Variants in KMT2B observed in about 807,000 individuals in gnomAD.
KMT2B encodes the protein lysine methyltransferase 2B, also known as histone-lysine N-methyltransferase 2B.
A neutral mutation model predicts 255.3 loss-of-function variants in KMT2B; 22 were observed. That is an observed-to-expected ratio of 0.09 (90% CI 0.06 to 0.12). The LOEUF is 0.12. Among genes scored for constraint, KMT2B ranks in the 10% least tolerant of loss-of-function variants. The probability of loss-of-function intolerance (pLI) is 1.00; values close to 1 mark genes in which losing one functional copy is unlikely to be tolerated. For missense variants in KMT2B, 3,149 were observed against 3,737.0 expected, an observed-to-expected ratio of 0.84 and a Z score of 4.10; for synonymous variants, 1,730 against 1,498.1, an observed-to-expected ratio of 1.15 and a Z score of -3.57.
In KMT2B at chr19:35,732,412, T is replaced by A; in HGVS notation, c.5863T>A (p.Ser1955Thr). ...TSVVTALTPT[S>T]GELAPPGPAP... ...AGTCGTCACAGCCCTCACACCTACCTCAGGGGAGCTGGCTCCCCCTGGCCC... is the reference window on the plus strand; with the variant it reads ...AGTCGTCACAGCCCTCACACCTACCACAGGGGAGCTGGCTCCCCCTGGCCC... Residue 1955 changes from serine to threonine, a missense_variant, in exon 28 of 37, where the codon TCA (serine) becomes ACA (threonine). Around this residue, in one of 18 missense-constraint regions of KMT2B, gnomAD observed 897 missense variants for 825.3 expected, o/e 1.09. Coordinates refer to ENST00000420124, the MANE Select transcript of KMT2B (RefSeq NM_014727.3). The A allele has an allele frequency of 1.9e-6, 3 of 1,613,314 alleles. No individual in the cohort carries two copies. The South Asian group carries it at 3.3e-5, about 18-fold the overall frequency.
Position 35,719,985 on chromosome 19 carries a change from C to T in KMT2B, c.638C>T (p.Pro213Leu), listed in dbSNP as rs1352603836. Residue 213 changes from proline (P) to leucine (L), a missense_variant, in exon 3 of 37, where the codon CCC (proline) becomes CTC (leucine). Pro to Leu is a moderately conservative substitution (Grantham distance 98). Coordinates refer to ENST00000420124, the MANE Select transcript of KMT2B (RefSeq NM_014727.3). ...PQAPRSRACE[P>L]STPRRSRGRP... is the part of the protein sequence containing the mutation. The stretch of plus-strand genomic sequence containing the variant: ...GCACCCCGGAGCCGGGCATGTGAGC[C>T]CTCCACCCCCCGGCGGTCTCGGGGA... The T allele has an allele frequency of 6.2e-7, 1 of 1,613,140 alleles. No individual in the cohort carries two copies. Among genetic ancestry groups the T allele is most frequent in the Non-Finnish European group, 8.5e-7 (1 of 1,179,778 alleles).
Position 35,733,898 on chromosome 19 carries a change from TC to T in KMT2B, c.7159+28del, listed in dbSNP as rs745961942. 6.5e-7 allele frequency: 1 copy of T among 1,530,336 alleles called. No homozygotes were observed. The highest frequency in any genetic ancestry group is 9.0e-7 in the Non-Finnish European group (1 of 1,109,646). The allele number at this position is 1,530,336 out of a possible 1,614,324, so 94.8% of individuals were successfully genotyped here. On this transcript the variant is annotated intron_variant, in intron 30 of 36. Transcript: ENST00000420124. The surrounding 1 kb of genome is among the most constrained non-coding windows in gnomAD (Gnocchi z 4.3). ...GTAGGGACCGGCCTTGCCCTCTCCC[TC>T]CTTGCCTGTGCCTGGCTCAGCTGGG...
intron 30 of KMT2B, 77 bp from the exon 31 acceptor site, chr19:35,736,613 C>T (rs937204552): frequency 2.6e-6 from 4 of 1,555,116 alleles, no homozygotes; most frequent in Non-Finnish European, 3.5e-6. Context: ...GTGGTGTCTG[C>T]TGGGAGCACA....
chr19:35,729,323 A>G, intron 22 of KMT2B, 27 bp downstream of exon 22: 1 of 1,572,844 alleles, frequency 6.4e-7, no homozygotes, highest in Non-Finnish European at 8.6e-7. Context: ...AGAGAGGTGG[A>G]CAGCTCTCTG....
Position 35,733,259 on chromosome 19 carries a change from GCC to G in KMT2B, c.6714_6715del (p.Leu2239ProfsTer63). 6.8e-7 allele frequency: 1 copy of G among 1,476,472 alleles called. No homozygotes were observed. The highest frequency in any genetic ancestry group is 9.2e-7 in the Non-Finnish European group (1 of 1,087,730). 91.5% of individuals were successfully genotyped at this position (1,476,472 alleles called of 1,614,324 possible). The stretch of plus-strand genomic sequence containing the variant: ...CCCACCTCCTGGACTCTGCCCCCAG[GCC>G]CCCTCCTCGGCGTGCTGCCCGTGGT... On this transcript the variant is annotated frameshift_variant, in exon 28 of 37. Coordinates refer to ENST00000420124, the MANE Select transcript of KMT2B (RefSeq NM_014727.3). LOFTEE classifies it high-confidence loss of function. This position sits in a 1 kb window ranked among gnomAD's most constrained non-coding sequence, Gnocchi z 4.3.
Position 35,723,089 on chromosome 19 carries a change from A to G in KMT2B, c.2817A>G (p.Thr939=), listed in dbSNP as rs2146444455. Residue 939 remains threonine (T), a synonymous_variant, in exon 6 of 37, where the codon ACA becomes ACG. Coordinates refer to ENST00000420124, the MANE Select transcript of KMT2B (RefSeq NM_014727.3). This position sits in a 1 kb window ranked among gnomAD's most constrained non-coding sequence, Gnocchi z 7.5. The part of the protein sequence containing the change: ...AAGPGGESEP[T]GSGGTLAHTP... ...GCCCTGGGGGAGAATCAGAGCCCAC[A>G]GGTTCTGGAGGGACCCTGGCCCACA... The G allele has an allele frequency of 6.2e-7, 1 of 1,613,198 alleles. No individual in the cohort carries two copies. The highest frequency in any genetic ancestry group is 8.5e-7 in the Non-Finnish European group (1 of 1,179,804).
Position 35,732,454 on chromosome 19 carries a change from C to T in KMT2B, c.5905C>T (p.Pro1969Ser), listed in dbSNP as rs767943155. The T allele has an allele frequency of 4.3e-6, 7 of 1,613,774 alleles. No individual in the cohort carries two copies. In the Admixed American group the frequency reaches 1.2e-4, roughly 27 times the overall value. Residue 1969 changes from proline to serine, a missense_variant, in exon 28 of 37, where the codon CCC becomes TCC. Pro to Ser is a moderately conservative substitution (Grantham distance 74, BLOSUM62 -1). Transcript: ENST00000420124. ...APPGPAPSPP[P>S]PEDLGPDFED... ...CCCTGGCCCGGCCCCATCTCCACCA[C>T]CCCCTGAAGACCTGGGCCCAGACTT... is the stretch of plus-strand genomic sequence containing the variant.
At position 35,730,348 on chromosome 19, in the gene KMT2B, G is replaced by T; in HGVS notation, c.5083G>T (p.Val1695Leu). Reference sequence around the variant, plus strand: ...TTGCCACCCCCTCTTCCAGGAAATTGTGAACCCCGATGGTTTTGATGTTCT... The same window carrying T: ...TTGCCACCCCCTCTTCCAGGAAATTTTGAACCCCGATGGTTTTGATGTTCT... The part of the protein sequence containing the change: ...HTDLLDGKEI[V>L]NPDGFDVLRR... The change falls in exon 24 of 37, where the codon GTG becomes TTG. Residue 1695 changes from valine to leucine, a missense_variant. Val to Leu is a conservative substitution (Grantham distance 32). Around this residue, in one of 18 missense-constraint regions of KMT2B, gnomAD observed 58 missense variants for 96.9 expected, o/e 0.60. Coordinates refer to ENST00000420124, the MANE Select transcript of KMT2B (RefSeq NM_014727.3). The T allele has an allele frequency of 6.2e-7, 1 of 1,610,990 alleles. No individual in the cohort carries two copies. Among genetic ancestry groups the T allele is most frequent in the Non-Finnish European group, 8.5e-7 (1 of 1,177,324 alleles).
At chr19:35,731,819 TG>T in intron 26 of KMT2B, 88 bp from the exon 27 acceptor site, 1 of 1,011,722 alleles carries the variant, frequency 9.9e-7, no homozygotes, top group Non-Finnish European at 1.5e-6. Flanking sequence ...GTCGGGGACC[TG>T]GGAGGCATAG....
Position 35,738,543 on chromosome 19 carries a change from C to A in KMT2B, c.8134C>A (p.Arg2712=). ...CAACTGTGGCGCCAAGCGCTGCCGT[C>A]GGTTCCTTAACTGAGGCCGTGGCTG... ...PCNCGAKRCR[R]FLN The change falls in exon 37 of 37, where the codon CGG becomes AGG. Residue 2712 remains arginine (R), a synonymous_variant. Coordinates refer to ENST00000420124, the MANE Select transcript of KMT2B (RefSeq NM_014727.3). The surrounding 1 kb of genome is among the most constrained non-coding windows in gnomAD (Gnocchi z 8.7). 6.2e-7 allele frequency: 1 copy of A among 1,613,400 alleles called. No homozygotes were observed. The highest frequency in any genetic ancestry group is 8.5e-7 in the Non-Finnish European group (1 of 1,179,512).
Position 35,719,975 on chromosome 19 carries a change from G to C in KMT2B, c.628G>C (p.Ala210Pro). The change falls in exon 3 of 37, where the codon GCA (alanine) becomes CCA (proline). Residue 210 changes from alanine (A) to proline (P), a missense_variant. Physicochemically the swap from Ala to Pro is conservative, Grantham distance 27. This residue lies in a region of KMT2B where 1,188 missense variants were observed against 1,106.4 expected (regional missense o/e 1.07). Coordinates refer to ENST00000420124, the MANE Select transcript of KMT2B (RefSeq NM_014727.3). ...AQAPQAPRSR[A>P]CEPSTPRRSR... ...GGCACCCCAAGCACCCCGGAGCCGG[G>C]CATGTGAGCCCTCCACCCCCCGGCG... The C allele has an allele frequency of 6.2e-7, 1 of 1,613,248 alleles. No individual in the cohort carries two copies. Among genetic ancestry groups the C allele is most frequent in the Non-Finnish European group, 8.5e-7 (1 of 1,179,794 alleles).
At position 35,727,964 on chromosome 19, in the gene KMT2B, G is replaced by A; in HGVS notation, c.4476G>A (p.Gln1492=). Residue 1492 remains glutamine, a synonymous_variant, in exon 18 of 37, where the codon CAG becomes CAA. Transcript: ENST00000420124. This position sits in a 1 kb window ranked among gnomAD's most constrained non-coding sequence, Gnocchi z 4.2. The part of the protein sequence containing the change: ...GETPDRRAGG[Q]MKGLLLKLLE... ...CCCCGGACCGCCGGGCTGGAGGCCA[G>A]ATGAAGGGGCTCCTGCTGAAGGTGA... is the stretch of plus-strand genomic sequence containing the variant. 1 of 1,576,478 alleles carries A rather than the reference G, an allele frequency of 6.3e-7. No homozygotes were observed. Among genetic ancestry groups the A allele is most frequent in the Non-Finnish European group, 8.6e-7 (1 of 1,159,290 alleles).
rs1263454780 is a variant in KMT2B, at chr19:35,727,128, T to A, written c.4004-28T>A. 2.0e-6 allele frequency: 3 copies of A among 1,538,148 alleles called. No individual in the cohort carries two copies. The highest frequency in any genetic ancestry group is 1.2e-5 in the South Asian group (1 of 86,032). ...AGGGCTGAGTGGGAACTCCAGCACCTCTGACTCCTTCTCTTCCCTTTCTCT... is the reference window on the plus strand; with the variant it reads ...AGGGCTGAGTGGGAACTCCAGCACCACTGACTCCTTCTCTTCCCTTTCTCT... On this transcript the variant is annotated intron_variant, in intron 14 of 36. Transcript: ENST00000420124. The surrounding 1 kb of genome is among the most constrained non-coding windows in gnomAD (Gnocchi z 4.2).
Position 35,725,609 on chromosome 19 carries a change from A to T in KMT2B, c.3773A>T (p.Lys1258Ile). ...RCKFCHVCGRKGRGSKHLLEC... is the reference protein window; with the variant it reads ...RCKFCHVCGRIGRGSKHLLEC... The stretch of plus-strand genomic sequence containing the variant: ...AAATTCTGCCACGTCTGTGGACGCA[A>T]AGGTCGTGGATCCAAGGTTTGGGCC... Residue 1258 changes from lysine to isoleucine, a missense_variant, in exon 12 of 37, where the codon AAA becomes ATA. This residue lies in a region of KMT2B where 377 missense variants were observed against 471.0 expected (regional missense o/e 0.80). Transcript: ENST00000420124. This position sits in a 1 kb window ranked among gnomAD's most constrained non-coding sequence, Gnocchi z 4.1. 1 of 1,610,842 alleles carries T rather than the reference A, an allele frequency of 6.2e-7. No homozygotes were observed. Among genetic ancestry groups the T allele is most frequent in the Non-Finnish European group, 8.5e-7 (1 of 1,179,872 alleles).
At chr19:35,719,083 T>G (rs761850687) in intron 1 of KMT2B, among the ~76,000 whole-genome samples, 8 of 152,188 alleles carry the variant, frequency 5.3e-5, no homozygotes, top group Non-Finnish European at 1.2e-4. Context: ...TGTTCCCAAC[T>G]TAATGCAGAA....
chr19:35,736,664 C>T (rs763297042), intron 30 of KMT2B, 26 bp from the exon 31 acceptor site: 1 of 1,610,674 alleles, frequency 6.2e-7, no homozygotes, highest in South Asian at 1.1e-5. Flanking sequence ...GGGTGATCTT[C>T]ACTCCAACCT....
chr19:35,721,367 C>G lies in KMT2B; in HGVS notation c.2020C>G (p.Pro674Ala), dbSNP rs767783057. 1.9e-6 allele frequency: 3 copies of G among 1,596,266 alleles called. No individual in the cohort carries two copies. The East Asian group carries it at 6.8e-5, about 36-fold the overall frequency. ...SVLTPPPLGAPEAPEPEPPPA... is the reference protein window; with the variant it reads ...SVLTPPPLGAAEAPEPEPPPA... ...GCTTACTCCTCCTCCTCTTGGGGCT[C>G]CTGAAGCCCCTGAGCCAGAGCCTCC... Residue 674 changes from proline (P) to alanine (A), a missense_variant, in exon 3 of 37, where the codon CCT becomes GCT. Pro to Ala is a conservative substitution (Grantham distance 27). Transcript: ENST00000420124.
rs1453749162 is a variant in KMT2B, at chr19:35,737,760, G to A, written c.7658+17G>A. On this transcript the variant is annotated intron_variant, in intron 34 of 36. Transcript: ENST00000420124. This position sits in a 1 kb window ranked among gnomAD's most constrained non-coding sequence, Gnocchi z 5.3. ...GTCAACCAGGTATGGAGTGTGAGCTGGGGGGCGGGTGGTGGTCTGGAAGGG... is the reference window on the plus strand; with the variant it reads ...GTCAACCAGGTATGGAGTGTGAGCTAGGGGGCGGGTGGTGGTCTGGAAGGG... The A allele has an allele frequency of 5.1e-6, 8 of 1,558,808 alleles. No individual in the cohort carries two copies. The highest frequency in any genetic ancestry group is 7.0e-6 in the Non-Finnish European group (8 of 1,149,764).
intron 26 of KMT2B, 139 bp from the exon 27 acceptor site, chr19:35,731,769 G>T: frequency 1.4e-6 from 1 of 695,302 alleles, no homozygotes; most frequent in South Asian, 1.8e-5. Context: ...TTTAGCCTGG[G>T]TGGTCACTGG....
Sources: allele counts gnomAD v4.1 joint callset (sites outside exome capture counted in the v4.1 genomes callset), GRCh38; gene constraint gnomAD v4.1.1; regional missense constraint gnomAD v4.1.1; non-coding constraint Gnocchi (gnomAD v3.1); transcripts MANE v1.5; gene names NCBI Gene and HGNC (gene_info 2026-07-23, HGNC 2026-07-21).